Variants in CEP120 observed in about 807,000 individuals in gnomAD.
The protein encoded by CEP120 is centrosomal protein 120.
CEP120 carries 113 observed loss-of-function variants against 126.5 expected under a neutral mutation model. That is an observed-to-expected ratio of 0.89 (90% CI 0.77 to 1.04). The LOEUF is 1.04. Ranked by LOEUF, CEP120 falls within the 50% of genes least tolerant of loss-of-function variation. CEP120 has a pLI of 0.00. For synonymous variants in CEP120, 400 were observed against 394.3 expected, an observed-to-expected ratio of 1.01 and a Z score of -0.17; for missense variants, 1,230 against 1,155.7, an observed-to-expected ratio of 1.06 and a Z score of -0.93.
chr5:123,385,244 G>T, intron 10 of CEP120, 111 bp from the exon 11 acceptor site: 1 of 753,006 alleles, frequency 1.3e-6, no homozygotes, highest in Non-Finnish European at 2.1e-6. Context: ...TTTGTTACCT[G>T]GAATGTCGTC....
chr5:123,387,477 T>A (rs1375882399), intron 9 of CEP120, among the ~76,000 whole-genome samples: 1 of 152,086 alleles, frequency 6.6e-6, no homozygotes, highest in African/African-American at 2.4e-5. Flanking sequence ...ACTTTTCAAA[T>A]ACCAGTGTTA....
rs1390881286 is a variant in CEP120, at chr5:123,419,559, A to AC, written c.50-1045_50-1044insG. ...AAAAAAACAAAAACAAAAACAAAAAAAAAAAAACAGAATACTTTCCAAATT... is the reference window on the plus strand; with the variant it reads ...AAAAAAACAAAAACAAAAACAAAAAACAAAAAAACAGAATACTTTCCAAATT... On this transcript the variant is annotated intron_variant, in intron 1 of 19. Transcript: ENST00000306467. Among the ~76,000 whole-genome samples the AC allele has an allele frequency of 5.8e-3, 833 of 143,492 alleles. 5 individuals carry two copies. The highest frequency in any genetic ancestry group is 0.01 in the Middle Eastern group (3 of 292). 94.1% of individuals were successfully genotyped at this position (143,492 alleles called of 152,430 possible). A position where few individuals can be genotyped will look rare whatever the true frequency, so the allele number is the denominator to read the frequency against.
chr5:123,352,303 T>G (rs1769247244), intron 18 of CEP120, among the ~76,000 whole-genome samples: 1 of 152,122 alleles, frequency 6.6e-6, no homozygotes, highest in Non-Finnish European at 1.5e-5. Flanking sequence ...CAGATTTTTC[T>G]GTTTATTCCT....
intron 4 of CEP120, chr5:123,401,695 C>A: frequency 4.3e-6 from 6 of 1,392,892 alleles, no homozygotes; most frequent in Non-Finnish European, 5.1e-6. Context: ...CATCAGTCAG[C>A]CCTTCCAGGC....
At chr5:123,397,604 G>C (rs1312516452) in intron 5 of CEP120, among the ~76,000 whole-genome samples, 1 of 152,166 alleles carries the variant, frequency 6.6e-6, no homozygotes, top group Admixed American at 6.5e-5. Context: ...AATAAGGAGA[G>C]AAAGAGTAAA....
chr5:123,354,922 C>T (rs1396113560), intron 18 of CEP120, among the ~76,000 whole-genome samples: 1 of 151,922 alleles, frequency 6.6e-6, no homozygotes, highest in Non-Finnish European at 1.5e-5. Context: ...TCTCCTAATG[C>T]TATCCCTCCC....
chr5:123,384,296 CT>C (rs200812746), intron 11 of CEP120, among the ~76,000 whole-genome samples: 22 of 150,338 alleles, frequency 1.5e-4, no homozygotes, highest in African/African-American at 4.6e-4. Context: ...CCTTGTTTCT[CT>C]TTTTTTTAGT....
At chr5:123,353,451 G>C (rs1353235689) in intron 18 of CEP120, among the ~76,000 whole-genome samples, 1 of 151,490 alleles carries the variant, frequency 6.6e-6, no homozygotes, top group East Asian at 1.9e-4. Flanking sequence ...TGTTTTAAAA[G>C]ACTGGCCAAT....
At chr5:123,370,108 G>A (rs1170420250) in intron 17 of CEP120, among the ~76,000 whole-genome samples, 1 of 152,034 alleles carries the variant, frequency 6.6e-6, no homozygotes, top group African/African-American at 2.4e-5. Flanking sequence ...GGTACAGGGT[G>A]CTGTCTTAAG....
chr5:123,416,507 G>T (rs1256545298), intron 2 of CEP120, among the ~76,000 whole-genome samples: 1 of 152,016 alleles, frequency 6.6e-6, no homozygotes, highest in Non-Finnish European at 1.5e-5. Context: ...GGAGGCGGAG[G>T]TTGCAGTGAG....
At chr5:123,382,601 T>C in intron 13 of CEP120, 136 bp downstream of exon 13, 3 of 771,874 alleles carry the variant, frequency 3.9e-6, no homozygotes, top group Middle Eastern at 4.2e-4. Flanking sequence ...CAAATTTTTT[T>C]AAGTAAAGCA....
intron 4 of CEP120, chr5:123,402,458 C>CTCA: frequency 3.7e-6 from 3 of 814,972 alleles, no homozygotes; most frequent in South Asian, 4.0e-5. Flanking sequence ...CTTGCTCTGT[C>CTCA]ACCCAGGCTG....
chr5:123,383,146 T>C (rs1369276970), intron 11 of CEP120, 64 bp from the exon 12 acceptor site: 3 of 985,382 alleles, frequency 3.0e-6, no homozygotes, highest in Admixed American at 2.8e-5. Context: ...TTTCCTTTTA[T>C]TTCCCCAGTG....
chr5:123,377,542 A>G lies in CEP120; in HGVS notation c.2197-7T>C, dbSNP rs1387449586. On this transcript the variant is annotated splice_polypyrimidine_tract_variant and splice_region_variant and intron_variant, in intron 15 of 19. Transcript: ENST00000306467. ...CCTTTTTTTCTCTTTGAAGCTTAAA[A>G]CAAAGGCATCTTTAAGAGGTTGGTT... 3 of 1,571,940 alleles carry G rather than the reference A, an allele frequency of 1.9e-6. 1 individual carries two copies. Among genetic ancestry groups the G allele is most frequent in the Non-Finnish European group, 8.6e-7 (1 of 1,168,904 alleles).
rs147277049 is a variant in CEP120 at position 123,385,030 on chromosome 5, T to C, written c.1684A>G (p.Thr562Ala). Residue 562 changes from threonine (T) to alanine (A), a missense_variant, in exon 11 of 20, where the codon ACT becomes GCT. By Grantham distance (58) the Thr-to-Ala change is moderately conservative. Transcript: ENST00000306467. ...TCACCATTAGAACCTAAAAAACGAGTTTTTTCTGAAGACAAGATGTTAGAA... is the reference window on the plus strand; with the variant it reads ...TCACCATTAGAACCTAAAAAACGAGCTTTTTCTGAAGACAAGATGTTAGAA... ...QLSNILSSEKTRFLGSNGEQC... is the reference protein window; with the variant it reads ...QLSNILSSEKARFLGSNGEQC... 611 of 1,613,064 alleles carry C rather than the reference T, an allele frequency of 3.8e-4. No individual in the cohort carries two copies. Among genetic ancestry groups the C allele is most frequent in the Admixed American group, 7.5e-4 (45 of 59,884 alleles).
chr5:123,410,807 A>G (rs1774009763), intron 4 of CEP120, among the ~76,000 whole-genome samples: 1 of 152,244 alleles, frequency 6.6e-6, no homozygotes, highest in Non-Finnish European at 1.5e-5. Flanking sequence ...ACAAAGGCAC[A>G]ATCCATGAAT....
At chr5:123,414,148 C>T (rs1430452844) in intron 3 of CEP120, among the ~76,000 whole-genome samples, 3 of 152,162 alleles carry the variant, frequency 2.0e-5, no homozygotes, top group African/African-American at 4.8e-5. Flanking sequence ...GACCTCATCC[C>T]TCAGATACCC....
At position 123,382,864 on chromosome 5, in the gene CEP120, G is replaced by C. The variant is rs771013646; in HGVS notation, c.1886C>G (p.Pro629Arg). The change falls in exon 13 of 20, where the codon CCG becomes CGG. Residue 629 changes from proline to arginine, a missense_variant. Pro to Arg is a moderately radical substitution (Grantham distance 103). Transcript: ENST00000306467. ...SQGVSAVQQK[P>R]SSLPPAPCPS... The stretch of plus-strand genomic sequence containing the variant: ...ACAAGGTGCTGGAGGAAGAGAAGAC[G>C]GCTTTTGCTGTACGGCAGATACACC... 6.2e-7 allele frequency: 1 copy of C among 1,613,156 alleles called. No individual in the cohort carries two copies. The highest frequency in any genetic ancestry group is 1.3e-5 in the African/African-American group (1 of 74,846).
intron 18 of CEP120, among the ~76,000 whole-genome samples, chr5:123,353,030 G>C (rs919329258): frequency 2.0e-5 from 3 of 151,870 alleles, no homozygotes; most frequent in Non-Finnish European, 2.9e-5. Flanking sequence ...ATACTTTTTA[G>C]CTCTCTAAAT....
Sources: allele counts gnomAD v4.1 joint callset (sites outside exome capture counted in the v4.1 genomes callset), GRCh38; gene constraint gnomAD v4.1.1; transcripts MANE v1.5; gene names NCBI Gene and HGNC (gene_info 2026-07-23, HGNC 2026-07-21).